Variants in PLA2R1 observed in about 807,000 individuals in gnomAD.
The protein encoded by PLA2R1 is phospholipase A2 receptor 1, also known as secretory phospholipase A2 receptor.
PLA2R1 carries 158 observed loss-of-function variants against 195.9 expected under a neutral mutation model. The observed-to-expected ratio is 0.81, with a 90% CI of 0.71 to 0.92. The LOEUF is 0.92. PLA2R1 is among the 40% of genes least tolerant of loss of function. The probability of loss-of-function intolerance (pLI) is 0.00; values close to 1 mark genes in which losing one functional copy is unlikely to be tolerated. For missense variants in PLA2R1, 1,626 were observed against 1,764.6 expected (o/e 0.92, Z 1.41); for synonymous variants, 586 against 598.2 (o/e 0.98, Z 0.30).
Position 160,045,151 on chromosome 2 carries a change from C to T in PLA2R1, c.116G>A (p.Gly39Glu). The change falls in exon 2 of 30, where the codon GGA becomes GAA. Residue 39 changes from glycine (G) to glutamate (E), a missense_variant. Gly to Glu is a moderately conservative substitution (Grantham distance 98, BLOSUM62 -2). Transcript: ENST00000283243. ...PERLLEWQDK[G>E]IFVIQSESLK... ...ACTCTCACTTTGGATAACAAATATTCCTTTATCTGAAACAAAAATCAAAGA... is the reference window on the plus strand; with the variant it reads ...ACTCTCACTTTGGATAACAAATATTTCTTTATCTGAAACAAAAATCAAAGA... 1 of 1,588,134 alleles carries T rather than the reference C, an allele frequency of 6.3e-7. No individual in the cohort carries two copies. Among genetic ancestry groups the T allele is most frequent in the South Asian group, 1.1e-5 (1 of 88,080 alleles).
intron 9 of PLA2R1, among the ~76,000 whole-genome samples, chr2:160,013,679 CTCTCTCTCTCTCTCTCTCTCTCTG>C (rs1236740397): frequency 2.0e-4 from 13 of 63,976 alleles, no homozygotes; most frequent in South Asian, 3.8e-4. Flanking sequence ...CTCTCTTTCT[CTCTCTCTCTCTCTCTCTCTCTCTG>C]TCTCTCTCTC....
At chr2:160,053,800 C>A (rs756313241) in intron 1 of PLA2R1, among the ~76,000 whole-genome samples, 1 of 152,202 alleles carries the variant, frequency 6.6e-6, no homozygotes, top group Non-Finnish European at 1.5e-5. Context: ...ACAGGGGACA[C>A]CAGGCAGAAT....
At chr2:159,953,887 G>A (rs1448175458) in intron 23 of PLA2R1, among the ~76,000 whole-genome samples, 1 of 152,210 alleles carries the variant, frequency 6.6e-6, no homozygotes, top group Non-Finnish European at 1.5e-5. Context: ...AGGCTGGAAT[G>A]CAGTGGTGCG....
intron 1 of PLA2R1, among the ~76,000 whole-genome samples, chr2:160,051,055 C>T (rs531798606): frequency 4.8e-4 from 73 of 152,234 alleles, no homozygotes; most frequent in Middle Eastern, 3.4e-3. Flanking sequence ...GTGAAGTTTC[C>T]GCATTTTTAA....
intron 3 of PLA2R1, among the ~76,000 whole-genome samples, chr2:160,037,024 G>A (rs1189087440): frequency 6.6e-6 from 1 of 152,194 alleles, no homozygotes; most frequent in African/African-American, 2.4e-5. Context: ...CAGCTCTGCT[G>A]TCTCCAGCCC....
intron 17 of PLA2R1, among the ~76,000 whole-genome samples, chr2:159,973,140 C>T (rs975049442): frequency 6.6e-6 from 1 of 152,132 alleles, no homozygotes; most frequent in Non-Finnish European, 1.5e-5. Context: ...GGAATCACCT[C>T]TACACATCTT....
At chr2:160,054,954 A>G (rs1477037157) in intron 1 of PLA2R1, among the ~76,000 whole-genome samples, 1 of 152,220 alleles carries the variant, frequency 6.6e-6, no homozygotes, top group African/African-American at 2.4e-5. Flanking sequence ...TGAGTTCAGA[A>G]GAGGCAACAC....
chr2:159,930,855 C>T (rs557414432), downstream of PLA2R1, among the ~76,000 whole-genome samples: 11 of 152,330 alleles, frequency 7.2e-5, no homozygotes, highest in African/African-American at 2.6e-4. Flanking sequence ...GACTGTTTCT[C>T]TTCCCACTCC....
intron 1 of PLA2R1, among the ~76,000 whole-genome samples, chr2:160,053,770 G>A (rs1214691488): frequency 6.6e-6 from 1 of 152,268 alleles, no homozygotes; most frequent in African/African-American, 2.4e-5. Flanking sequence ...AGGCAGCTGA[G>A]AACCCGTCCC....
chr2:160,016,483 G>GGCA lies in PLA2R1; in HGVS notation c.1551+130_1551+131insTGC, dbSNP rs1558934085. The GGCA allele has an allele frequency of 2.0e-5, 13 of 634,164 alleles. No homozygotes were observed. In the African/African-American group the frequency reaches 2.5e-4, roughly 12 times the overall value. 39.3% of individuals were successfully genotyped at this position (634,164 alleles called of 1,614,324 possible). On this transcript the variant is annotated intron_variant, in intron 9 of 29. Transcript: ENST00000283243. ...AGGAAAGGAAAGAAGGGGGGGGTGC[G>GGCA]AGGAGAGAGAGAGAGATGAAAGAGA...
intron 6 of PLA2R1, among the ~76,000 whole-genome samples, chr2:160,023,648 T>A (rs1224162970): frequency 6.6e-6 from 1 of 152,256 alleles, no homozygotes. Flanking sequence ...GAGTAGCCAT[T>A]CTTTATTCCT....
chr2:160,011,237 C>T (rs1318073062), intron 10 of PLA2R1, among the ~76,000 whole-genome samples: 1 of 152,178 alleles, frequency 6.6e-6, no homozygotes, highest in Non-Finnish European at 1.5e-5. Context: ...TAACAGATTT[C>T]TGCCTTAGCT....
intron 13 of PLA2R1, among the ~76,000 whole-genome samples, chr2:159,981,217 G>A (rs1393003125): frequency 2.5e-4 from 6 of 23,828 alleles, no homozygotes; most frequent in Admixed American, 2.4e-4. Flanking sequence ...ATGTGCATAC[G>A]TGTGTGTGTG....
rs540044941 is a variant in PLA2R1 at position 160,005,768 on chromosome 2, T to C, written c.1718A>G (p.Asp573Gly). 2 of 1,612,210 alleles carry C rather than the reference T, an allele frequency of 1.2e-6. No homozygotes were observed. Among genetic ancestry groups the C allele is most frequent in the East Asian group, 4.5e-5 (2 of 44,872 alleles). ...CTGAAGAGCTATCCAAAAATAACTG[T>C]CCTTCATTTTTACCACACTACTGAT... ...SLISSVVKMK[D>G]SYFWIALQDQ... Residue 573 changes from aspartate to glycine, a missense_variant, in exon 11 of 30, where the codon GAC (aspartate) becomes GGC (glycine). Asp to Gly is a moderately conservative substitution (Grantham distance 94). Coordinates refer to ENST00000283243, the MANE Select transcript of PLA2R1 (RefSeq NM_007366.5).
At chr2:159,993,248 G>A (rs1051746227) in intron 11 of PLA2R1, among the ~76,000 whole-genome samples, 8 of 151,972 alleles carry the variant, frequency 5.3e-5, no homozygotes, top group African/African-American at 1.9e-4. Context: ...TGTTTCACCT[G>A]AATATTTCAT....
At chr2:159,977,220 T>C (rs1689623488) in intron 15 of PLA2R1, 64 bp downstream of exon 15, 1 of 1,262,198 alleles carries the variant, frequency 7.9e-7, no homozygotes, top group Admixed American at 2.0e-5. Context: ...GGTGTTTAAA[T>C]TGGGAAAGTA....
intron 1 of PLA2R1, among the ~76,000 whole-genome samples, chr2:160,048,867 G>C (rs13397925): frequency 7.2e-6 from 1 of 138,336 alleles, no homozygotes; most frequent in Non-Finnish European, 1.5e-5. Context: ...TTGAGACAGA[G>C]TCTCGCTCTG....
intron 27 of PLA2R1, 80 bp downstream of exon 27, chr2:159,946,721 T>G: frequency 6.8e-7 from 1 of 1,464,118 alleles, no homozygotes; most frequent in Non-Finnish European, 9.0e-7. Flanking sequence ...AGGAGAGTTT[T>G]CTGGCTCACA....
intron 27 of PLA2R1, 83 bp from the exon 28 acceptor site, chr2:159,945,165 C>A: frequency 2.4e-6 from 2 of 819,206 alleles, no homozygotes; most frequent in Non-Finnish European, 3.4e-6. Context: ...TAAAAAGCAG[C>A]CCCTGAATTT....
Sources: allele counts gnomAD v4.1 joint callset (sites outside exome capture counted in the v4.1 genomes callset), GRCh38; gene constraint gnomAD v4.1.1; transcripts MANE v1.5; gene names NCBI Gene and HGNC (gene_info 2026-07-23, HGNC 2026-07-21).